Variants in GABRA4 observed in about 807,000 individuals in gnomAD.
The protein encoded by GABRA4 is gamma-aminobutyric acid receptor subunit alpha-4.
Under a neutral mutation model 49.7 loss-of-function variants are expected in GABRA4, and 12 were observed. That is an observed-to-expected ratio of 0.24 (90% CI 0.15 to 0.39). GABRA4 has a LOEUF of 0.39. GABRA4 is among the 10% of genes least tolerant of loss of function. GABRA4 has a pLI of 1.00. For missense variants in GABRA4, 506 were observed against 686.0 expected (o/e 0.74, Z 2.93); for synonymous variants, 288 against 240.2 (o/e 1.20, Z -1.84).
At chr4:46,936,422 T>C (rs1015865760) in intron 8 of GABRA4, among the ~76,000 whole-genome samples, 2 of 152,158 alleles carry the variant, frequency 1.3e-5, no homozygotes, top group Non-Finnish European at 1.5e-5. Context: ...GCTAATTTTG[T>C]ATTTTTTAGT....
At chr4:46,937,895 A>G (rs1346766982) in intron 8 of GABRA4, among the ~76,000 whole-genome samples, 1 of 152,124 alleles carries the variant, frequency 6.6e-6, no homozygotes, top group Non-Finnish European at 1.5e-5. Flanking sequence ...CACCTCCCTG[A>G]ATATTTTCAC....
chr4:46,982,493 C>T (rs1040829093), intron 2 of GABRA4, among the ~76,000 whole-genome samples: 1 of 151,836 alleles, frequency 6.6e-6, no homozygotes, highest in Non-Finnish European at 1.5e-5. Flanking sequence ...CTTTGGTATC[C>T]CCAGAACTGT....
intron 5 of GABRA4, among the ~76,000 whole-genome samples, chr4:46,976,579 C>A (rs1723147189): frequency 6.6e-6 from 1 of 151,586 alleles, no homozygotes; most frequent in South Asian, 2.1e-4. Flanking sequence ...GTCATTTTAA[C>A]CTATACTGTG....
At chr4:46,938,622 T>C (rs1721678899) in intron 8 of GABRA4, among the ~76,000 whole-genome samples, 1 of 152,082 alleles carries the variant, frequency 6.6e-6, no homozygotes, top group South Asian at 2.1e-4. Context: ...AATTCCAATT[T>C]CAATTTCTTT....
At chr4:46,947,454 C>T (rs867873318) in intron 8 of GABRA4, among the ~76,000 whole-genome samples, 3 of 151,826 alleles carry the variant, frequency 2.0e-5, no homozygotes, top group African/African-American at 7.3e-5. Context: ...TAACATATTC[C>T]AGTTTAAAAT....
intron 2 of GABRA4, among the ~76,000 whole-genome samples, chr4:46,990,594 C>A (rs1203955904): frequency 6.6e-6 from 1 of 152,140 alleles, no homozygotes; most frequent in Non-Finnish European, 1.5e-5. Context: ...CTACATAGGA[C>A]TGGATACTTT....
intron 8 of GABRA4, among the ~76,000 whole-genome samples, chr4:46,963,833 A>T (rs772277842): frequency 6.6e-6 from 1 of 151,824 alleles, no homozygotes; most frequent in Non-Finnish European, 1.5e-5. Flanking sequence ...TAGTACAACC[A>T]CTATGGAGAA....
intron 7 of GABRA4, among the ~76,000 whole-genome samples, chr4:46,967,569 GT>G (rs1216757254): frequency 1.3e-5 from 2 of 151,520 alleles, no homozygotes; most frequent in East Asian, 3.9e-4. Context: ...GATTATACTG[GT>G]TTATTATACT....
intron 8 of GABRA4, among the ~76,000 whole-genome samples, chr4:46,958,159 AT>A (rs1228985320): frequency 6.6e-6 from 1 of 151,900 alleles, no homozygotes; most frequent in African/African-American, 2.4e-5. Context: ...AGCCAAATTA[AT>A]TTCGATATTA....
chr4:46,978,709 A>G (rs1373017955), intron 3 of GABRA4, among the ~76,000 whole-genome samples: 5 of 148,920 alleles, frequency 3.4e-5, no homozygotes, highest in Middle Eastern at 3.5e-3. Context: ...AAAAAAAAAA[A>G]AAAAGAAAAA....
intron 7 of GABRA4, 111 bp from the exon 8 acceptor site, chr4:46,965,340 C>T: frequency 1.2e-6 from 1 of 839,190 alleles, no homozygotes; most frequent in Non-Finnish European, 1.7e-6. Flanking sequence ...GTTAACAAAA[C>T]TACAATAACT....
rs1721344644 is a variant in GABRA4, at chr4:46,929,222, A to G, written c.1135-467T>C. ...ATGTACACAGAATATCAACAATAAC[A>G]ACTATCCATACGTACCTAACATTCC... On this transcript the variant is annotated intron_variant, in intron 8 of 8. Coordinates refer to ENST00000264318, the MANE Select transcript of GABRA4 (RefSeq NM_000809.4). 4.6e-5 allele frequency among the ~76,000 whole-genome samples: 7 copies of G among 152,136 alleles called. No homozygotes were observed. In the South Asian group the frequency reaches 1.5e-3, roughly 32 times the overall value.
rs749068615 is a variant in GABRA4, at chr4:46,925,091, A to C, written c.*3134T>G. ...CAGCTCATGGGTAAAATAAGCCACA[A>C]ATAAATTGTTTATGCTTTGTTTGAA... is the stretch of plus-strand genomic sequence containing the variant. On this transcript the variant is annotated 3_prime_UTR_variant, in exon 9 of 9. Transcript: ENST00000264318. The C allele has an allele frequency of 2.0e-5, 3 of 151,974 alleles. No individual in the cohort carries two copies. Among genetic ancestry groups the C allele is most frequent in the Non-Finnish European group, 2.9e-5 (2 of 67,900 alleles). The allele number at this position is 151,974 out of a possible 1,614,324, so 9.4% of individuals were successfully genotyped here.
In GABRA4 at chr4:46,925,008, C is replaced by G. The variant is rs995818911; in HGVS notation, c.*3217G>C. ...ATATTTACAAATTGAGAAGAGAAGA[C>G]CATTAAGAACAGGAATGGGGAGAGT... On this transcript the variant is annotated 3_prime_UTR_variant, in exon 9 of 9. Transcript: ENST00000264318. 1 of 151,886 alleles carries G rather than the reference C, an allele frequency of 6.6e-6. No individual in the cohort carries two copies. Among genetic ancestry groups the G allele is most frequent in the African/African-American group, 2.4e-5 (1 of 41,384 alleles). 9.4% of individuals were successfully genotyped at this position (151,886 alleles called of 1,614,324 possible).
chr4:46,928,842 A>G, intron 8 of GABRA4, 87 bp from the exon 9 acceptor site: 1 of 843,760 alleles, frequency 1.2e-6, no homozygotes, highest in Non-Finnish European at 1.8e-6. Flanking sequence ...TCTTAAAATT[A>G]GTCATTTCCA....
chr4:46,980,094 T>C (rs1256825744), intron 2 of GABRA4, among the ~76,000 whole-genome samples: 3 of 152,090 alleles, frequency 2.0e-5, no homozygotes, highest in Admixed American at 1.3e-4. Context: ...GGTAAAGATA[T>C]TAATGAGTAT....
In GABRA4 at chr4:46,991,448, T is replaced by C. The variant is rs565766680; in HGVS notation, c.205+1380A>G. Among the ~76,000 whole-genome samples, 10 of 152,302 alleles carry C rather than the reference T, an allele frequency of 6.6e-5. No homozygotes were observed. In the East Asian group the frequency reaches 1.9e-3, roughly 29 times the overall value. Reference sequence around the variant, plus strand: ...AAGGTTTTAAACTTGACATTTCAAGTGAAGGCTAGAAAGAGTTTCTAGCCC... The same window carrying C: ...AAGGTTTTAAACTTGACATTTCAAGCGAAGGCTAGAAAGAGTTTCTAGCCC... On this transcript the variant is annotated intron_variant, in intron 2 of 8. Transcript: ENST00000264318.
intron 7 of GABRA4, among the ~76,000 whole-genome samples, chr4:46,969,114 G>A (rs979974871): frequency 2.0e-5 from 3 of 151,520 alleles, no homozygotes; most frequent in Admixed American, 1.3e-4. Flanking sequence ...ACTTATTGAA[G>A]GTCCACAGCT....
chr4:46,925,384 A>G lies in GABRA4; in HGVS notation c.*2841T>C, dbSNP rs1721182498. 1 of 152,004 alleles carries G rather than the reference A, an allele frequency of 6.6e-6. No homozygotes were observed. The highest frequency in any genetic ancestry group is 2.4e-5 in the African/African-American group (1 of 41,438). 9.4% of individuals were successfully genotyped at this position (152,004 alleles called of 1,614,324 possible). A position where few individuals can be genotyped will look rare whatever the true frequency, so the allele number is the denominator to read the frequency against. On this transcript the variant is annotated 3_prime_UTR_variant, in exon 9 of 9. Coordinates refer to ENST00000264318, the MANE Select transcript of GABRA4 (RefSeq NM_000809.4). ...TATGTTTATACCTAGTCATGCCTGG[A>G]GGAAATTGAAAGTAATTATGTAGCA... is the stretch of plus-strand genomic sequence containing the variant.
Sources: gnomAD v4.1 joint callset for allele counts (sites outside exome capture counted in the v4.1 genomes callset) on GRCh38, gnomAD v4.1.1 for gene constraint, MANE v1.5 for transcripts, NCBI Gene and HGNC (gene_info 2026-07-23, HGNC 2026-07-21) for gene names.